EHD3: variants seen among roughly 807,000 people sequenced by gnomAD.
EHD3 encodes EH domain-containing protein 3.
In EHD3, 17 loss-of-function variants were observed where a neutral mutation model predicts 43.0. The observed-to-expected ratio is 0.40, with a 90% CI of 0.27 to 0.59. EHD3 has a LOEUF of 0.59. EHD3 is among the 20% of genes least tolerant of loss of function. The probability of loss-of-function intolerance (pLI) is 0.49; values close to 1 mark genes in which losing one functional copy is unlikely to be tolerated. For missense variants in EHD3, 594 were observed against 705.6 expected, an observed-to-expected ratio of 0.84 and a Z score of 1.79; for synonymous variants, 313 against 289.5, an observed-to-expected ratio of 1.08 and a Z score of -0.82.
In EHD3 at chr2:31,249,252, T is replaced by C. The variant is rs544596780; in HGVS notation, c.405-119T>C. 6 of 883,876 alleles carry C rather than the reference T, an allele frequency of 6.8e-6. No individual in the cohort carries two copies. In the African/African-American group the frequency reaches 9.9e-5, roughly 15 times the overall value. The allele number at this position is 883,876 out of a possible 1,614,324, so 54.8% of individuals were successfully genotyped here. ...TGAACTGGGCAAGTCCATGGTGAAC[T>C]AAACCCTTCAGGATGCACCTGCAGC... is the stretch of plus-strand genomic sequence containing the variant. On this transcript the variant is annotated intron_variant, in intron 2 of 5. Transcript: ENST00000322054.
rs532797379 is a variant in EHD3, at chr2:31,253,111, G to A, written c.502+3643G>A. On this transcript the variant is annotated intron_variant, in intron 3 of 5. Coordinates refer to ENST00000322054, the MANE Select transcript of EHD3 (RefSeq NM_014600.3). ...ACACATAGCTCCAGTTTAAACTGAC[G>A]CACACCTCCCCCACCCTCCCCCACC... Among the ~76,000 whole-genome samples, 296 of 151,322 alleles carry A rather than the reference G, an allele frequency of 2.0e-3. 1 individual carries two copies. The highest frequency in any genetic ancestry group is 3.4e-3 in the Middle Eastern group (1 of 294).
In EHD3 at chr2:31,266,490, C is replaced by T; in HGVS notation, c.1394C>T (p.Ala465Val). The T allele has an allele frequency of 1.2e-6, 2 of 1,614,144 alleles. No individual in the cohort carries two copies. Among genetic ancestry groups the T allele is most frequent in the Non-Finnish European group, 1.7e-6 (2 of 1,180,018 alleles). ...CCGGTGGATGGCAAGATCACAGGCG[C>T]TAATGCCAAGAAGGAGATGGTGCGC... ...LSPVDGKITG[A>V]NAKKEMVRSK... is the part of the protein sequence containing the mutation. The change falls in exon 6 of 6, where the codon GCT becomes GTT. Residue 465 changes from alanine (A) to valine (V), a missense_variant. This residue lies in a region of EHD3 where 322 missense variants were observed against 348.0 expected (regional missense o/e 0.93). Transcript: ENST00000322054. The surrounding 1 kb of genome is among the most constrained non-coding windows in gnomAD (Gnocchi z 5.1).
chr2:31,247,353 CAAA>C (rs11286751), intron 2 of EHD3, among the ~76,000 whole-genome samples: 1 of 149,180 alleles, frequency 6.7e-6, no homozygotes. Flanking sequence ...ATATATTTTA[CAAA>C]AAAAAAAATT....
intron 1 of EHD3, among the ~76,000 whole-genome samples, chr2:31,240,532 T>C (rs916476259): frequency 2.6e-5 from 4 of 152,162 alleles, no homozygotes; most frequent in Non-Finnish European, 5.9e-5. Context: ...TTAGACTCAG[T>C]GTTTCCCCAG....
intron 1 of EHD3, among the ~76,000 whole-genome samples, chr2:31,243,955 G>A (rs2148716975): frequency 6.6e-6 from 1 of 152,248 alleles, no homozygotes; most frequent in South Asian, 2.1e-4. Flanking sequence ...AATACTCTGT[G>A]TAAGAATCAT....
chr2:31,240,039 C>G (rs1683390819), intron 1 of EHD3, among the ~76,000 whole-genome samples: 2 of 152,184 alleles, frequency 1.3e-5, no homozygotes, highest in South Asian at 4.1e-4. Flanking sequence ...GCTGGAATCC[C>G]TTCATCACAT....
chr2:31,266,847 G>A lies in EHD3; in HGVS notation c.*143G>A. On this transcript the variant is annotated 3_prime_UTR_variant, in exon 6 of 6. Transcript: ENST00000322054. This position sits in a 1 kb window ranked among gnomAD's most constrained non-coding sequence, Gnocchi z 5.1. ...TGACATTGCTCTGTAGGTGAGAGAG[G>A]ACCATGACGCCCATGTTTGCAGCTG... is the stretch of plus-strand genomic sequence containing the variant. 1 of 1,127,308 alleles carries A rather than the reference G, an allele frequency of 8.9e-7. No homozygotes were observed. The highest frequency in any genetic ancestry group is 1.2e-6 in the Non-Finnish European group (1 of 822,980). 69.8% of individuals were successfully genotyped at this position (1,127,308 alleles called of 1,614,324 possible).
At chr2:31,253,676 G>C (rs1353924642) in intron 3 of EHD3, among the ~76,000 whole-genome samples, 1 of 152,194 alleles carries the variant, frequency 6.6e-6, no homozygotes, top group Non-Finnish European at 1.5e-5. Flanking sequence ...CTGGACTAGG[G>C]CGGCAAAGGG....
chr2:31,244,132 C>G, intron 1 of EHD3, 142 bp from the exon 2 acceptor site: 1 of 646,290 alleles, frequency 1.5e-6, no homozygotes, highest in Non-Finnish European at 2.4e-6. Context: ...TGTTATCCAG[C>G]AGGCATTTCT....
chr2:31,236,080 G>A (rs1360168662), intron 1 of EHD3, among the ~76,000 whole-genome samples: 1 of 152,238 alleles, frequency 6.6e-6, no homozygotes, highest in Admixed American at 6.5e-5. Flanking sequence ...TTGGTGAGGA[G>A]TGCAGAAAAG....
chr2:31,243,250 C>T (rs1359747354), intron 1 of EHD3, among the ~76,000 whole-genome samples: 2 of 152,006 alleles, frequency 1.3e-5, no homozygotes, highest in Non-Finnish European at 2.9e-5. Flanking sequence ...TACACTCCAG[C>T]CTGGGCGACG....
Position 31,261,549 on chromosome 2 carries a change from G to A in EHD3, c.916G>A (p.Val306Ile). The A allele has an allele frequency of 6.2e-7, 1 of 1,614,146 alleles. No homozygotes were observed. The highest frequency in any genetic ancestry group is 8.5e-7 in the Non-Finnish European group (1 of 1,179,998). Residue 306 changes from valine (V) to isoleucine (I), a missense_variant and splice_region_variant, in exon 5 of 6, where the codon GTC (valine) becomes ATC (isoleucine). Val to Ile is a conservative substitution (Grantham distance 29, BLOSUM62 3). Coordinates refer to ENST00000322054, the MANE Select transcript of EHD3 (RefSeq NM_014600.3). ...DLIKRARLAK[V>I]HAYIISSLKK... ...GCTTCTCTCTGGCCCTGTTTGTCAGGTCCACGCCTACATCATCAGCTCTCT... is the reference window on the plus strand; with the variant it reads ...GCTTCTCTCTGGCCCTGTTTGTCAGATCCACGCCTACATCATCAGCTCTCT...
chr2:31,242,787 C>T (rs1448590881), intron 1 of EHD3, among the ~76,000 whole-genome samples: 2 of 151,826 alleles, frequency 1.3e-5, no homozygotes, highest in Non-Finnish European at 2.9e-5. Flanking sequence ...GGTGAAACCC[C>T]GTATCTACTA....
intron 3 of EHD3, among the ~76,000 whole-genome samples, chr2:31,256,710 C>T (rs1683758889): frequency 6.6e-6 from 1 of 152,262 alleles, no homozygotes; most frequent in African/African-American, 2.4e-5. Context: ...ACAGCCTTCT[C>T]TTACATCGCT....
rs189554022 is a variant in EHD3, at chr2:31,264,763, G to T, written c.1081-1414G>T. Among the ~76,000 whole-genome samples the T allele has an allele frequency of 5.9e-4, 90 of 151,754 alleles. 1 individual carries two copies. The East Asian group carries it at 8.8e-3, about 15-fold the overall frequency. On this transcript the variant is annotated intron_variant, in intron 5 of 5. Transcript: ENST00000322054. ...TTGGCCAGGATGGTCTCGATCTCTT[G>T]ACCTCGTGATCCGCCTGCCTCAGCC...
At chr2:31,263,800 G>T (rs1186905759) in intron 5 of EHD3, among the ~76,000 whole-genome samples, 1 of 152,202 alleles carries the variant, frequency 6.6e-6, no homozygotes, top group Non-Finnish European at 1.5e-5. Flanking sequence ...CCCAGCTTCT[G>T]GAGAGTTAGG....
At chr2:31,239,229 C>A (rs1269228347) in intron 1 of EHD3, among the ~76,000 whole-genome samples, 3 of 152,302 alleles carry the variant, frequency 2.0e-5, no homozygotes, top group Admixed American at 6.5e-5. Context: ...GGGCCACCAC[C>A]CCAGTAGACC....
chr2:31,255,121 T>C (rs894535359), intron 3 of EHD3, among the ~76,000 whole-genome samples: 1 of 152,220 alleles, frequency 6.6e-6, no homozygotes, highest in Admixed American at 6.5e-5. Flanking sequence ...CCCTGCAGGC[T>C]GCCCAGTCTC....
intron 2 of EHD3, among the ~76,000 whole-genome samples, chr2:31,247,043 T>G (rs1683536984): frequency 6.6e-6 from 1 of 152,082 alleles, no homozygotes; most frequent in African/African-American, 2.4e-5. Context: ...GTTACAGGCA[T>G]GCGCCACCAC....
Sources: allele counts gnomAD v4.1 joint callset (sites outside exome capture counted in the v4.1 genomes callset), GRCh38; gene constraint gnomAD v4.1.1; regional missense constraint gnomAD v4.1.1; non-coding constraint Gnocchi (gnomAD v3.1); transcripts MANE v1.5; gene names NCBI Gene and HGNC (gene_info 2026-07-23, HGNC 2026-07-21).